YIF1B: variants seen among roughly 807,000 people sequenced by gnomAD.
The protein encoded by YIF1B is protein YIF1B.
A neutral mutation model predicts 34.6 loss-of-function variants in YIF1B; 24 were observed. That is an observed-to-expected ratio of 0.69 (90% CI 0.50 to 0.98). YIF1B has a LOEUF of 0.98. YIF1B is among the 50% of genes least tolerant of loss of function. YIF1B has a pLI of 0.00. For synonymous variants in YIF1B, 186 were observed against 184.8 expected (o/e 1.01, Z -0.05); for missense variants, 368 against 429.4 (o/e 0.86, Z 1.26).
upstream of YIF1B, chr19:38,315,992 G>C: frequency 1.5e-6 from 2 of 1,365,598 alleles, no homozygotes; most frequent in Non-Finnish European, 1.9e-6. Context: ...CGCCGGCGAA[G>C]AGACAGCCAA....
In YIF1B at chr19:38,307,483, T is replaced by C. The variant is rs762030357; in HGVS notation, c.734A>G (p.Lys245Arg). 1 of 1,613,884 alleles carries C rather than the reference T, an allele frequency of 6.2e-7. No individual in the cohort carries two copies. Among genetic ancestry groups the C allele is most frequent in the South Asian group, 1.1e-5 (1 of 91,076 alleles). ...GCCCAGCACCAGGTAGTAGCCAATC[T>C]TCCCGAAGAGCAGGCCCATGAGGAC... is the stretch of plus-strand genomic sequence containing the variant. Reference protein sequence around the residue: ...GGVLMGLLFGKIGYYLVLGWC... With the variant: ...GGVLMGLLFGRIGYYLVLGWC... Residue 245 changes from lysine (K) to arginine (R), a missense_variant, in exon 7 of 8, where the codon AAG becomes AGG. Physicochemically the swap from Lys to Arg is conservative, Grantham distance 26. Around this residue, in one of 3 missense-constraint regions of YIF1B, gnomAD observed 208 missense variants for 247.8 expected, o/e 0.84. Transcript: ENST00000339413.
Position 38,309,597 on chromosome 19 carries a change from G to C in YIF1B, c.105C>G (p.Pro35=). 6.3e-7 allele frequency: 1 copy of C among 1,599,218 alleles called. No homozygotes were observed. Among genetic ancestry groups the C allele is most frequent in the South Asian group, 1.1e-5 (1 of 88,864 alleles). Residue 35 remains proline, a synonymous_variant, in exon 2 of 8, where the codon CCC becomes CCG. Coordinates refer to ENST00000339413, the MANE Select transcript of YIF1B (RefSeq NM_001039672.3). ...IPVSQPGMAD[P]HQLFDDTSSA... is the part of the protein sequence containing the mutation. Reference sequence around the variant, plus strand: ...AACTTGTGTCATCGAAAAGCTGGTGGGGGTCGGCCATGCCCGGCTGGGACA... The same window carrying C: ...AACTTGTGTCATCGAAAAGCTGGTGCGGGTCGGCCATGCCCGGCTGGGACA...
chr19:38,307,498 C>A lies in YIF1B; in HGVS notation c.719G>T (p.Gly240Val). 6.2e-7 allele frequency: 1 copy of A among 1,613,902 alleles called. No individual in the cohort carries two copies. Among genetic ancestry groups the A allele is most frequent in the Non-Finnish European group, 8.5e-7 (1 of 1,180,004 alleles). Residue 240 changes from glycine (G) to valine (V), a missense_variant, in exon 7 of 8, where the codon GGC becomes GTC. Transcript: ENST00000339413. ...GTAGCCAATCTTCCCGAAGAGCAGG[C>A]CCATGAGGACCCCGCCAATCATCCT... ...YVGMIGGVLM[G>V]LLFGKIGYYL...
At chr19:38,306,231 A>G (rs1394763056) in intron 7 of YIF1B, among the ~76,000 whole-genome samples, 1 of 144,820 alleles carries the variant, frequency 6.9e-6, no homozygotes, top group Non-Finnish European at 1.5e-5. Flanking sequence ...AAAAAAAAAA[A>G]GTCAGGGTCT....
chr19:38,316,010 C>T, upstream of YIF1B: 1 of 1,353,726 alleles, frequency 7.4e-7, no homozygotes, highest in African/African-American at 1.5e-5. Flanking sequence ...CAATGGACGT[C>T]AGGATTGAGG....
At chr19:38,307,829 G>C (rs1473792207) in intron 5 of YIF1B, 77 bp from the exon 6 acceptor site, 4 of 1,561,312 alleles carry the variant, frequency 2.6e-6, no homozygotes, top group Non-Finnish European at 3.5e-6. Context: ...GGACAGCTCT[G>C]TGTTGGGTAG....
chr19:38,304,256 A>G lies in YIF1B; in HGVS notation c.*1096T>C, dbSNP rs975814498. On this transcript the variant is annotated 3_prime_UTR_variant, in exon 8 of 8. Coordinates refer to ENST00000339413, the MANE Select transcript of YIF1B (RefSeq NM_001039672.3). ...TTGGCCTTAGGACCCAACTTCTCTTACCGCCATGGAGTTCGACCTGGGAGC... is the reference window on the plus strand; with the variant it reads ...TTGGCCTTAGGACCCAACTTCTCTTGCCGCCATGGAGTTCGACCTGGGAGC... The G allele has an allele frequency of 1.2e-6, 2 of 1,613,362 alleles. No individual in the cohort carries two copies. The highest frequency in any genetic ancestry group is 2.7e-5 in the African/African-American group (2 of 74,878).
At position 38,304,080 on chromosome 19, in the gene YIF1B, C is replaced by T; in HGVS notation, c.*1272G>A. 1 of 753,486 alleles carries T rather than the reference C, an allele frequency of 1.3e-6. No homozygotes were observed. The highest frequency in any genetic ancestry group is 2.1e-6 in the Non-Finnish European group (1 of 474,244). The allele number at this position is 753,486 out of a possible 1,614,324, so 46.7% of individuals were successfully genotyped here. A position where few individuals can be genotyped will look rare whatever the true frequency, so the allele number is the denominator to read the frequency against. On this transcript the variant is annotated 3_prime_UTR_variant, in exon 8 of 8. Transcript: ENST00000339413. The stretch of plus-strand genomic sequence containing the variant: ...AGCAGTCACCTGTCCATCTCCCCCA[C>T]TTCTCACAGAGGAAATCCTGGGTGG...
rs750229188 is a variant in YIF1B at position 38,304,847 on chromosome 19, C to A, written c.*505G>T. ...CATCCCTGCCCTCGGCCCCACAGTC[C>A]CACGCTGCTGGCTCCAAGCAGCACG... On this transcript the variant is annotated 3_prime_UTR_variant, in exon 8 of 8. Transcript: ENST00000339413. The A allele has an allele frequency of 2.7e-5, 44 of 1,613,620 alleles. No individual in the cohort carries two copies. The highest frequency in any genetic ancestry group is 3.3e-4 in the Middle Eastern group (2 of 6,058).
chr19:38,304,688 T>C lies in YIF1B; in HGVS notation c.*664A>G. 6.2e-7 allele frequency: 1 copy of C among 1,613,476 alleles called. No individual in the cohort carries two copies. The highest frequency in any genetic ancestry group is 8.5e-7 in the Non-Finnish European group (1 of 1,179,940). On this transcript the variant is annotated 3_prime_UTR_variant, in exon 8 of 8. Transcript: ENST00000339413. The stretch of plus-strand genomic sequence containing the variant: ...AGCGATTCGGACACGGATGTGAAGG[T>C]AAGGGGCTCTCGCCAGCGTCCCCAA...
rs777814484 is a variant in YIF1B at position 38,307,530 on chromosome 19, G to C, written c.696-9C>G. Reference sequence around the variant, plus strand: ...GGACCCCGCCAATCATCCTGGGGGAGGGAGAGGAGGCTGTGTGAGGACAAG... The same window carrying C: ...GGACCCCGCCAATCATCCTGGGGGACGGAGAGGAGGCTGTGTGAGGACAAG... On this transcript the variant is annotated splice_polypyrimidine_tract_variant and intron_variant, in intron 6 of 7. Transcript: ENST00000339413. 3.1e-6 allele frequency: 5 copies of C among 1,613,786 alleles called. No individual in the cohort carries two copies. In the Admixed American group the frequency reaches 8.3e-5, roughly 27 times the overall value.
chr19:38,312,444 T>C (rs1360331935), intron 1 of YIF1B, among the ~76,000 whole-genome samples: 3 of 151,840 alleles, frequency 2.0e-5, no homozygotes, highest in Non-Finnish European at 4.4e-5. Context: ...GAGCCAATAC[T>C]GTCTCTATAG....
upstream of YIF1B, chr19:38,320,356 GA>G: frequency 2.1e-6 from 3 of 1,418,514 alleles, no homozygotes; most frequent in Non-Finnish European, 2.9e-6. Context: ...GGGCCCTCAC[GA>G]ATACCCTTAT....
rs747437505 is a variant in YIF1B, at chr19:38,305,428, C to G, written c.869G>C (p.Arg290Pro). 5.0e-6 allele frequency: 8 copies of G among 1,610,804 alleles called. No individual in the cohort carries two copies. Among genetic ancestry groups the G allele is most frequent in the Non-Finnish European group, 6.8e-6 (8 of 1,178,548 alleles). The change falls in exon 8 of 8, where the codon CGC (arginine) becomes CCC (proline). Residue 290 changes from arginine to proline, a missense_variant. Arg to Pro is a moderately radical substitution (Grantham distance 103). Transcript: ENST00000339413. ...CGCCACCGCCATGGTCAGGTACATG[C>G]GCAGCTGGTTCCGGGCCCCACGCAC... ...VPVRGARNQL[R>P]MYLTMAVAAA...
intron 1 of YIF1B, 179 bp downstream of exon 1, chr19:38,315,681 A>T: frequency 6.2e-7 from 1 of 1,600,124 alleles, no homozygotes; most frequent in Non-Finnish European, 8.5e-7. Context: ...TTCTAAAGGA[A>T]TTTCCTAAAG....
upstream of YIF1B, among the ~76,000 whole-genome samples, chr19:38,317,656 T>G (rs895698091): frequency 2.0e-5 from 3 of 152,212 alleles, no homozygotes; most frequent in Middle Eastern, 3.4e-3. Context: ...CTCGGCTCAC[T>G]GCAACCTTTG....
chr19:38,318,669 C>T (rs1969610851), upstream of YIF1B, among the ~76,000 whole-genome samples: 2 of 152,162 alleles, frequency 1.3e-5, no homozygotes, highest in African/African-American at 4.8e-5. Context: ...TTATCAGGTG[C>T]CTCTGCTTCT....
chr19:38,315,928 C>T lies in YIF1B; in HGVS notation c.-11G>A. ...GCCTGCCGGGTGCATCCTTCGCCGC[C>T]GCCACCTAAGCCGCGGTTCGGAGCG... On this transcript the variant is annotated 5_prime_UTR_variant, in exon 1 of 8. Coordinates refer to ENST00000339413, the MANE Select transcript of YIF1B (RefSeq NM_001039672.3). 2.1e-6 allele frequency: 3 copies of T among 1,449,438 alleles called. No individual in the cohort carries two copies. The highest frequency in any genetic ancestry group is 2.7e-5 in the South Asian group (2 of 73,088). The allele number at this position is 1,449,438 out of a possible 1,614,324, so 89.8% of individuals were successfully genotyped here.
intron 1 of YIF1B, among the ~76,000 whole-genome samples, chr19:38,311,052 A>G (rs1260216237): frequency 2.0e-5 from 3 of 152,086 alleles, no homozygotes; most frequent in Non-Finnish European, 2.9e-5. Context: ...ACAGGGTTAG[A>G]GTAGGCACTT....
Sources: allele counts gnomAD v4.1 joint callset (sites outside exome capture counted in the v4.1 genomes callset), GRCh38; gene constraint gnomAD v4.1.1; regional missense constraint gnomAD v4.1.1; transcripts MANE v1.5; gene names NCBI Gene and HGNC (gene_info 2026-07-23, HGNC 2026-07-21).